AEBP1: variants seen among roughly 807,000 people sequenced by gnomAD.
AEBP1 encodes the protein AE binding protein 1, also known as adipocyte enhancer-binding protein 1.
Under a neutral mutation model 116.5 loss-of-function variants are expected in AEBP1, and 69 were observed. The observed-to-expected ratio is 0.59, with a 90% CI of 0.49 to 0.72. The LOEUF is 0.72. Ranked by LOEUF, AEBP1 falls within the 30% of genes least tolerant of loss-of-function variation. AEBP1 has a pLI of 0.00. For synonymous variants in AEBP1, 627 were observed against 627.3 expected, an observed-to-expected ratio of 1.00 and a Z score of 0.01; for missense variants, 1,444 against 1,557.5, an observed-to-expected ratio of 0.93 and a Z score of 1.23.
In AEBP1 at chr7:44,110,137, A is replaced by T; in HGVS notation, c.1260+13A>T. 6.2e-7 allele frequency: 1 copy of T among 1,613,034 alleles called. No individual in the cohort carries two copies. Among genetic ancestry groups the T allele is most frequent in the South Asian group, 1.1e-5 (1 of 91,084 alleles). On this transcript the variant is annotated intron_variant, in intron 10 of 20. Transcript: ENST00000223357. ...GCTCAACATGCAGGTGGGCATTGGG[A>T]TGGGCCCATCTCCCAACTGGGATAA...
Position 44,113,473 on chromosome 7 carries a change from G to A in AEBP1, c.2810-121G>A. ...GAGCCTGGGGGCGAAATTCAGAGAG[G>A]GAGGGCGGTGCTGGGGGCGGGAACT... On this transcript the variant is annotated intron_variant, in intron 20 of 20. Coordinates refer to ENST00000223357, the MANE Select transcript of AEBP1 (RefSeq NM_001129.5). The surrounding 1 kb of genome is among the most constrained non-coding windows in gnomAD (Gnocchi z 5.3). The A allele has an allele frequency of 7.6e-7, 1 of 1,317,984 alleles. No homozygotes were observed. Among genetic ancestry groups the A allele is most frequent in the Non-Finnish European group, 1.0e-6 (1 of 1,003,242 alleles). 81.6% of individuals were successfully genotyped at this position (1,317,984 alleles called of 1,614,324 possible). A position where few individuals can be genotyped will look rare whatever the true frequency, so the allele number is the denominator to read the frequency against.
At position 44,112,946 on chromosome 7, in the gene AEBP1, G is replaced by A. The variant is rs1486961639; in HGVS notation, c.2569+37G>A. The stretch of plus-strand genomic sequence containing the variant: ...TGGGAGGGGCTGTGGGCGGGGCCTG[G>A]TCCGGAGAGGGGCTGACTTTGGGTC... On this transcript the variant is annotated intron_variant, in intron 18 of 20. Coordinates refer to ENST00000223357, the MANE Select transcript of AEBP1 (RefSeq NM_001129.5). This position sits in a 1 kb window ranked among gnomAD's most constrained non-coding sequence, Gnocchi z 6.6. The A allele has an allele frequency of 6.2e-7, 1 of 1,613,258 alleles. No homozygotes were observed. The highest frequency in any genetic ancestry group is 8.5e-7 in the Non-Finnish European group (1 of 1,179,516).
At position 44,112,038 on chromosome 7, in the gene AEBP1, G is replaced by A. The variant is rs751577620; in HGVS notation, c.2025G>A (p.Val675=). 1.2e-6 allele frequency: 2 copies of A among 1,613,054 alleles called. No individual in the cohort carries two copies. The highest frequency in any genetic ancestry group is 2.2e-5 in the South Asian group (2 of 91,072). The change falls in exon 16 of 21, where the codon GTG becomes GTA. Residue 675 remains valine, a synonymous_variant. Coordinates refer to ENST00000223357, the MANE Select transcript of AEBP1 (RefSeq NM_001129.5). This position sits in a 1 kb window ranked among gnomAD's most constrained non-coding sequence, Gnocchi z 6.6. ...CACTGAACCCTGATGGCTACGAGGT[G>A]GCAGCGCAGATGGTGGGTTGAAGGG... ...VPSLNPDGYE[V]AAQMGSEFGN...
Position 44,107,785 on chromosome 7 carries a change from AC to A in AEBP1, c.740-23del. The A allele has an allele frequency of 6.2e-7, 1 of 1,611,950 alleles. No homozygotes were observed. The highest frequency in any genetic ancestry group is 1.1e-5 in the South Asian group (1 of 91,022). On this transcript the variant is annotated intron_variant, in intron 4 of 20. Transcript: ENST00000223357. This position sits in a 1 kb window ranked among gnomAD's most constrained non-coding sequence, Gnocchi z 4.3. ...TGGGCCCATCCCAGCCTTGGGCCCC[AC>A]TCTGAGCCAGCCTCCCCCTCAGTTG... is the stretch of plus-strand genomic sequence containing the variant.
Position 44,113,945 on chromosome 7 carries a change from C to T in AEBP1, c.3161C>T (p.Pro1054Leu). ...LGPHTVPPTL[P>L]PAPATTLSTT... ...CCCCACACTGTGCCTCCCACGCTGC[C>T]CCCTGCCCCTGCCACCACCCTGAGC... The change falls in exon 21 of 21, where the codon CCC becomes CTC. Residue 1054 changes from proline (P) to leucine (L), a missense_variant. Physicochemically the swap from Pro to Leu is moderately conservative, Grantham distance 98. Coordinates refer to ENST00000223357, the MANE Select transcript of AEBP1 (RefSeq NM_001129.5). The surrounding 1 kb of genome is among the most constrained non-coding windows in gnomAD (Gnocchi z 5.3). The T allele has an allele frequency of 1.2e-6, 2 of 1,613,308 alleles. No homozygotes were observed. Among genetic ancestry groups the T allele is most frequent in the Non-Finnish European group, 1.7e-6 (2 of 1,179,694 alleles).
At position 44,108,479 on chromosome 7, in the gene AEBP1, G is replaced by A. The variant is rs371524843; in HGVS notation, c.940+395G>A. On this transcript the variant is annotated intron_variant, in intron 6 of 20. Transcript: ENST00000223357. This position sits in a 1 kb window ranked among gnomAD's most constrained non-coding sequence, Gnocchi z 5.0. ...GCCTCCCTGTTGCTCATGCCCCTGC[G>A]TCCCTGGAGCCCTCAGGTTCCCTTT... 3.3e-5 allele frequency among the ~76,000 whole-genome samples: 5 copies of A among 152,040 alleles called. No individual in the cohort carries two copies. Among genetic ancestry groups the A allele is most frequent in the African/African-American group, 4.8e-5 (2 of 41,378 alleles).
intron 1 of AEBP1, among the ~76,000 whole-genome samples, chr7:44,105,292 T>C (rs1397819233): frequency 6.6e-6 from 1 of 152,208 alleles, no homozygotes; most frequent in East Asian, 1.9e-4. Context: ...GTGGCACAGC[T>C]TCACGTCGTC....
chr7:44,112,444 G>T lies in AEBP1; in HGVS notation c.2218-114G>T. ...CCAGACGCTGAGGCTCTGGGGGTTG[G>T]GGGACAGGGGATCGTGCGAGTACTG... On this transcript the variant is annotated intron_variant, in intron 17 of 20. Coordinates refer to ENST00000223357, the MANE Select transcript of AEBP1 (RefSeq NM_001129.5). The surrounding 1 kb of genome is among the most constrained non-coding windows in gnomAD (Gnocchi z 6.6). The T allele has an allele frequency of 7.2e-7, 1 of 1,394,234 alleles. No homozygotes were observed. The highest frequency in any genetic ancestry group is 1.4e-5 in the African/African-American group (1 of 68,992). 86.4% of individuals were successfully genotyped at this position (1,394,234 alleles called of 1,614,324 possible).
chr7:44,113,749 C>A lies in AEBP1; in HGVS notation c.2965C>A (p.Arg989Ser). ...CATCCTGGCTCGCTCCAACTGGAAGCGCATCCGGGAGATCATGGCCATGAA... is the reference window on the plus strand; with the variant it reads ...CATCCTGGCTCGCTCCAACTGGAAGAGCATCCGGGAGATCATGGCCATGAA... The part of the protein sequence containing the change: ...NFILARSNWK[R>S]IREIMAMNGN... Residue 989 changes from arginine (R) to serine (S), a missense_variant, in exon 21 of 21, where the codon CGC (arginine) becomes AGC (serine). By Grantham distance (110) the Arg-to-Ser change is moderately radical. Transcript: ENST00000223357. This position sits in a 1 kb window ranked among gnomAD's most constrained non-coding sequence, Gnocchi z 5.3. The A allele has an allele frequency of 6.2e-7, 1 of 1,614,104 alleles. No homozygotes were observed. Among genetic ancestry groups the A allele is most frequent in the Non-Finnish European group, 8.5e-7 (1 of 1,179,978 alleles).
Position 44,110,102 on chromosome 7 carries a change from A to T in AEBP1, c.1238A>T (p.Gln413Leu). The T allele has an allele frequency of 6.2e-7, 1 of 1,613,116 alleles. No homozygotes were observed. The highest frequency in any genetic ancestry group is 1.1e-5 in the South Asian group (1 of 91,086). The part of the protein sequence containing the change: ...SSMLRHGLGA[Q>L]RGRLNMQTGA... ...ATGCTGCGCCACGGCCTGGGGGCAC[A>T]GCGCGGCCGGCTCAACATGCAGGTG... Residue 413 changes from glutamine (Q) to leucine (L), a missense_variant, in exon 10 of 21, where the codon CAG (glutamine) becomes CTG (leucine). By Grantham distance (113) the Gln-to-Leu change is moderately radical (BLOSUM62 -2). Coordinates refer to ENST00000223357, the MANE Select transcript of AEBP1 (RefSeq NM_001129.5).
rs1196089498 is a variant in AEBP1, at chr7:44,113,779, A to T, written c.2995A>T (p.Asn999Tyr). The T allele has an allele frequency of 2.5e-6, 4 of 1,613,954 alleles. No homozygotes were observed. Among genetic ancestry groups the T allele is most frequent in the Non-Finnish European group, 3.4e-6 (4 of 1,179,992 alleles). ...RIREIMAMNG[N>Y]RPIPHIDPSR... Reference sequence around the variant, plus strand: ...CCGGGAGATCATGGCCATGAACGGGAACCGGCCTATCCCACACATAGACCC... The same window carrying T: ...CCGGGAGATCATGGCCATGAACGGGTACCGGCCTATCCCACACATAGACCC... The change falls in exon 21 of 21, where the codon AAC (asparagine) becomes TAC (tyrosine). Residue 999 changes from asparagine (N) to tyrosine (Y), a missense_variant. By Grantham distance (143) the Asn-to-Tyr change is moderately radical (BLOSUM62 -2). Coordinates refer to ENST00000223357, the MANE Select transcript of AEBP1 (RefSeq NM_001129.5). This position sits in a 1 kb window ranked among gnomAD's most constrained non-coding sequence, Gnocchi z 5.3.
chr7:44,113,507 G>A lies in AEBP1; in HGVS notation c.2810-87G>A. ...TGCTGGGGGCGGGAACTCAGAGGGG[G>A]AGGGCGGGGCTGGGGGCAGGACTGA... On this transcript the variant is annotated intron_variant, in intron 20 of 20. Coordinates refer to ENST00000223357, the MANE Select transcript of AEBP1 (RefSeq NM_001129.5). The surrounding 1 kb of genome is among the most constrained non-coding windows in gnomAD (Gnocchi z 5.3). The A allele has an allele frequency of 7.4e-7, 1 of 1,354,642 alleles. No individual in the cohort carries two copies. Among genetic ancestry groups the A allele is most frequent in the Non-Finnish European group, 9.6e-7 (1 of 1,040,904 alleles). The allele number at this position is 1,354,642 out of a possible 1,614,324, so 83.9% of individuals were successfully genotyped here. A position where few individuals can be genotyped will look rare whatever the true frequency, so the allele number is the denominator to read the frequency against.
Position 44,111,671 on chromosome 7 carries a change from A to T in AEBP1, c.1840+41A>T. 1 of 1,608,138 alleles carries T rather than the reference A, an allele frequency of 6.2e-7. No homozygotes were observed. Among genetic ancestry groups the T allele is most frequent in the Non-Finnish European group, 8.5e-7 (1 of 1,178,092 alleles). ...GGCCAGCAGCTGGCCTCTGCTGCTG[A>T]TGTGCAGAGCTCACTGCCTCCCGCC... On this transcript the variant is annotated intron_variant, in intron 15 of 20. Transcript: ENST00000223357. The surrounding 1 kb of genome is among the most constrained non-coding windows in gnomAD (Gnocchi z 4.7).
chr7:44,111,200 C>A lies in AEBP1; in HGVS notation c.1677C>A (p.Asp559Glu). Residue 559 changes from aspartate (D) to glutamate (E), a missense_variant, in exon 14 of 21, where the codon GAC becomes GAA. Transcript: ENST00000223357. The surrounding 1 kb of genome is among the most constrained non-coding windows in gnomAD (Gnocchi z 4.7). ...YAQNEVVATD[D>E]LDFRHHSYKD... The stretch of plus-strand genomic sequence containing the variant: ...AGAATGAGGTGGTGGCCACCGATGA[C>A]CTGGATTTCCGGCACCACAGCTACA... 1.3e-6 allele frequency: 2 copies of A among 1,515,354 alleles called. No homozygotes were observed. Among genetic ancestry groups the A allele is most frequent in the South Asian group, 1.3e-5 (1 of 74,806 alleles). 93.9% of individuals were successfully genotyped at this position (1,515,354 alleles called of 1,614,324 possible).
intron 9 of AEBP1, 157 bp downstream of exon 9, chr7:44,109,498 A>G (rs2096226611): frequency 1.2e-6 from 1 of 843,294 alleles, no homozygotes; most frequent in East Asian, 2.7e-5. Flanking sequence ...GGAGCCCAGG[A>G]TAGCCTCGCT....
chr7:44,113,295 T>A lies in AEBP1; in HGVS notation c.2753T>A (p.Ile918Asn), dbSNP rs1439754976. Residue 918 changes from isoleucine to asparagine, a missense_variant, in exon 20 of 21, where the codon ATC becomes AAC. Coordinates refer to ENST00000223357, the MANE Select transcript of AEBP1 (RefSeq NM_001129.5). The surrounding 1 kb of genome is among the most constrained non-coding windows in gnomAD (Gnocchi z 5.3). ...IKGVVTDEQG[I>N]PIANATISVS... The stretch of plus-strand genomic sequence containing the variant: ...GGGGTGGTGACGGACGAGCAAGGCA[T>A]CCCCATTGCCAACGCCACCATCTCT... 1.2e-6 allele frequency: 2 copies of A among 1,613,424 alleles called. No homozygotes were observed. The highest frequency in any genetic ancestry group is 1.3e-5 in the African/African-American group (1 of 74,784).
rs2096222242 is a variant in AEBP1, at chr7:44,105,679, G to A, written c.253+761G>A. Among the ~76,000 whole-genome samples, 2 of 152,088 alleles carry A rather than the reference G, an allele frequency of 1.3e-5. 1 individual carries two copies. Among genetic ancestry groups the A allele is most frequent in the South Asian group, 4.1e-4 (2 of 4,832 alleles). On this transcript the variant is annotated intron_variant, in intron 1 of 20. Coordinates refer to ENST00000223357, the MANE Select transcript of AEBP1 (RefSeq NM_001129.5). ...GGCTGCCTGTGCCCCTCCTGCCTCT[G>A]GCTCTCCTTCCAGGCTTGCTCTCCT...
At chr7:44,106,922 T>C (rs2096223552) in intron 2 of AEBP1, 35 bp downstream of exon 2, 1 of 1,462,264 alleles carries the variant, frequency 6.8e-7, no homozygotes, top group East Asian at 2.4e-5. Context: ...GATGGGGCTC[T>C]GACTGCCTGC....
chr7:44,104,625 C>G lies in AEBP1; in HGVS notation c.-41C>G. ...TTCCCAGAGACCCAGAGCCCCTGAC[C>G]CCCCGCGCCCTCCCCGGAGCCCCCC... On this transcript the variant is annotated 5_prime_UTR_variant, in exon 1 of 21. Coordinates refer to ENST00000223357, the MANE Select transcript of AEBP1 (RefSeq NM_001129.5). 1 of 1,378,828 alleles carries G rather than the reference C, an allele frequency of 7.3e-7. No individual in the cohort carries two copies. The highest frequency in any genetic ancestry group is 1.6e-5 in the South Asian group (1 of 61,414). 85.4% of individuals were successfully genotyped at this position (1,378,828 alleles called of 1,614,324 possible).
Sources: allele counts gnomAD v4.1 joint callset (sites outside exome capture counted in the v4.1 genomes callset), GRCh38; gene constraint gnomAD v4.1.1; non-coding constraint Gnocchi (gnomAD v3.1); transcripts MANE v1.5; gene names NCBI Gene and HGNC (gene_info 2026-07-23, HGNC 2026-07-21).